Variants in PLXNA2 observed in about 807,000 individuals in gnomAD.
PLXNA2 encodes plexin A2.
Under a neutral mutation model 193.5 loss-of-function variants are expected in PLXNA2, and 91 were observed. That is an observed-to-expected ratio of 0.47 (90% confidence interval 0.40 to 0.56). The LOEUF (loss-of-function observed/expected upper bound fraction) is 0.56. Ranked by LOEUF, PLXNA2 falls within the 20% of genes least tolerant of loss-of-function variation. PLXNA2 has a pLI of 0.00. For missense variants in PLXNA2, 1,995 were observed against 2,503.2 expected, an observed-to-expected ratio of 0.80 and a Z score of 4.33; for synonymous variants, 997 against 1,027.3, an observed-to-expected ratio of 0.97 and a Z score of 0.56.
intron 3 of PLXNA2, among the ~76,000 whole-genome samples, chr1:208,186,722 T>TTTTGTTTTTTTTTTTTTTTA: frequency 7.0e-6 from 1 of 143,878 alleles, no homozygotes; most frequent in African/African-American, 2.7e-5. Flanking sequence ...TATTTTTTTT[T>TTTTGTTTTTTTTTTTTTTTA]TTTTTTTTGA....
intron 12 of PLXNA2, among the ~76,000 whole-genome samples, chr1:208,069,341 C>A (rs1229033629): frequency 6.6e-6 from 1 of 152,146 alleles, no homozygotes; most frequent in Non-Finnish European, 1.5e-5. Flanking sequence ...AGCGCCAGGG[C>A]ACCACAGCTA....
intron 3 of PLXNA2, among the ~76,000 whole-genome samples, chr1:208,143,428 G>C (rs1444272678): frequency 1.3e-5 from 2 of 152,212 alleles, no homozygotes; most frequent in Non-Finnish European, 2.9e-5. Context: ...TGCTGATGCT[G>C]TTACTATAAG....
chr1:208,127,216 C>A (rs1011300825), intron 4 of PLXNA2, among the ~76,000 whole-genome samples: 4 of 152,176 alleles, frequency 2.6e-5, no homozygotes, highest in Admixed American at 2.0e-4. Flanking sequence ...CCATACTCTA[C>A]CTTGGATGAT....
chr1:208,157,966 C>T (rs1197483744), intron 3 of PLXNA2, among the ~76,000 whole-genome samples: 3 of 152,212 alleles, frequency 2.0e-5, no homozygotes, highest in African/African-American at 7.2e-5. Context: ...CCAAGCTTTC[C>T]ACACCATCCT....
intron 26 of PLXNA2, among the ~76,000 whole-genome samples, chr1:208,034,794 C>T (rs1199852764): frequency 6.6e-6 from 1 of 152,090 alleles, no homozygotes; most frequent in Non-Finnish European, 1.5e-5. Context: ...AGCTACTTGC[C>T]ATGTGTGTGG....
intron 1 of PLXNA2, among the ~76,000 whole-genome samples, chr1:208,239,154 T>TAA (rs35635470): frequency 7.1e-6 from 1 of 141,600 alleles, no homozygotes. Flanking sequence ...TTTTTTCTTC[T>TAA]AAAAAAAAAA....
In PLXNA2 at chr1:208,051,084, G is replaced by A. The variant is rs764787118; in HGVS notation, c.3180C>T (p.Thr1060=). The change falls in exon 17 of 32, where the codon ACC becomes ACT. Residue 1060 remains threonine (T), a synonymous_variant. Coordinates refer to ENST00000367033, the MANE Select transcript of PLXNA2 (RefSeq NM_025179.4). ...WSIASGHTPL[T]ITGFNLDVIQ... ...TGACATCCAGGTTGAAGCCTGTGAT[G>A]GTCAGGGGTGTGTGGCCACTGAAAA... 6 of 1,613,884 alleles carry A rather than the reference G, an allele frequency of 3.7e-6. No homozygotes were observed. The highest frequency in any genetic ancestry group is 2.2e-5 in the South Asian group (2 of 91,070).
intron 3 of PLXNA2, among the ~76,000 whole-genome samples, chr1:208,165,191 G>A (rs10158134): frequency 0.022 from 3,382 of 152,290 alleles, 132 homozygotes; most frequent in African/African-American, 0.076. Flanking sequence ...TCCTTGGCAT[G>A]CCAGCAGATC....
rs564394427 is a variant in PLXNA2 at position 208,229,796 on chromosome 1, T to TA, written c.-80-11795dup. Among the ~76,000 whole-genome samples the TA allele has an allele frequency of 1.2e-3, 180 of 152,250 alleles. 3 individuals carry two copies. Among genetic ancestry groups the TA allele is most frequent in the Non-Finnish European group, 1.8e-4 (12 of 68,008 alleles). On this transcript the variant is annotated intron_variant, in intron 1 of 31. Coordinates refer to ENST00000367033, the MANE Select transcript of PLXNA2 (RefSeq NM_025179.4). ...GGATCACATAAAAAGCACATAATAA[T>TA]AAAAAATGACAAATTCACAATATAA... is the stretch of plus-strand genomic sequence containing the variant.
chr1:208,199,865 G>A lies in PLXNA2; in HGVS notation c.1371+10415C>T, dbSNP rs186420773. ...ACTCATTCATAAAATAGAACAATAC[G>A]CATCTTACTTGTCCAAAGTCAGTAG... On this transcript the variant is annotated intron_variant, in intron 3 of 31. Transcript: ENST00000367033. Among the ~76,000 whole-genome samples the A allele has an allele frequency of 2.8e-4, 43 of 152,176 alleles. No homozygotes were observed. The Middle Eastern group carries it at 0.014, about 48-fold the overall frequency.
intron 3 of PLXNA2, among the ~76,000 whole-genome samples, chr1:208,186,871 C>T (rs1393615513): frequency 6.6e-6 from 1 of 151,160 alleles, no homozygotes; most frequent in Non-Finnish European, 1.5e-5. Context: ...AGGCGCCCGC[C>T]ACCGCGCCCG....
In PLXNA2 at chr1:208,073,947, G is replaced by A. The variant is rs1199010023; in HGVS notation, c.2586+5313C>T. Among the ~76,000 whole-genome samples, 5 of 152,068 alleles carry A rather than the reference G, an allele frequency of 3.3e-5. No homozygotes were observed. In the East Asian group the frequency reaches 7.7e-4, roughly 23 times the overall value. On this transcript the variant is annotated intron_variant, in intron 12 of 31. Transcript: ENST00000367033. Reference sequence around the variant, plus strand: ...CTCACAGCGCTCAGAAGGAACCCACGCTGCTGACACCTTGATCTTGAAGTT... The same window carrying A: ...CTCACAGCGCTCAGAAGGAACCCACACTGCTGACACCTTGATCTTGAAGTT...
intron 12 of PLXNA2, among the ~76,000 whole-genome samples, chr1:208,063,993 C>G (rs867041941): frequency 6.6e-6 from 1 of 152,130 alleles, no homozygotes; most frequent in Non-Finnish European, 1.5e-5. Flanking sequence ...TAAAAACGAA[C>G]TCTTAATTTT....
chr1:208,117,858 T>G (rs1667686463), intron 4 of PLXNA2, among the ~76,000 whole-genome samples: 1 of 152,196 alleles, frequency 6.6e-6, no homozygotes, highest in South Asian at 2.1e-4. Flanking sequence ...GAAAAAAATC[T>G]GCACATCAGT....
intron 3 of PLXNA2, among the ~76,000 whole-genome samples, chr1:208,200,577 C>CTTTTTTTTTTTTTTTTTT (rs36026400): frequency 6.1e-5 from 7 of 114,000 alleles, no homozygotes; most frequent in Non-Finnish European, 8.4e-5. Context: ...CCCAATCCTT[C>CTTTTTTTTTTTTTTTTTT]TTTTTTTTTT....
rs755464834 is a variant in PLXNA2 at position 208,042,122 on chromosome 1, T to G, written c.4262A>C (p.Asn1421Thr). Residue 1421 changes from asparagine (N) to threonine (T), a missense_variant, in exon 22 of 32, where the codon AAC (asparagine) becomes ACC (threonine). Physicochemically the swap from Asn to Thr is moderately conservative, Grantham distance 65. Transcript: ENST00000367033. Reference sequence around the variant, plus strand: ...CCTCCGGAGTAGCAGCTTGGGGTGGTTCTTGTTCTCCAGGTTCTTATCGAT... The same window carrying G: ...CCTCCGGAGTAGCAGCTTGGGGTGGGTCTTGTTCTCCAGGTTCTTATCGAT... ...DLIDKNLENK[N>T]HPKLLLRRTE... 6.2e-7 allele frequency: 1 copy of G among 1,614,066 alleles called. No homozygotes were observed. The highest frequency in any genetic ancestry group is 8.5e-7 in the Non-Finnish European group (1 of 1,179,980).
intron 4 of PLXNA2, 89 bp from the exon 5 acceptor site, chr1:208,103,336 G>T: frequency 2.0e-6 from 2 of 987,812 alleles, no homozygotes; most frequent in East Asian, 2.5e-5. Context: ...ACTCACACTT[G>T]CACTGTCAAC....
chr1:208,236,596 C>G lies in PLXNA2; in HGVS notation c.-81+7047G>C, dbSNP rs973657805. 6.6e-6 allele frequency among the ~76,000 whole-genome samples: 1 copy of G among 152,218 alleles called. No individual in the cohort carries two copies. The highest frequency in any genetic ancestry group is 2.4e-5 in the African/African-American group (1 of 41,458). On this transcript the variant is annotated intron_variant, in intron 1 of 31. Transcript: ENST00000367033. This position sits in a 1 kb window ranked among gnomAD's most constrained non-coding sequence, Gnocchi z 4.4. The stretch of plus-strand genomic sequence containing the variant: ...CCTGCCCATAGTCACAGAGCAATCA[C>G]AATCCATAGGCTCCGCTGACATTCT...
intron 3 of PLXNA2, among the ~76,000 whole-genome samples, chr1:208,181,883 A>T (rs1669852893): frequency 1.3e-5 from 2 of 152,182 alleles, no homozygotes; most frequent in African/African-American, 4.8e-5. Context: ...CTTATTTTGA[A>T]ATTTTGCTAG....
Sources: gnomAD v4.1 joint callset for allele counts (sites outside exome capture counted in the v4.1 genomes callset) on GRCh38, gnomAD v4.1.1 for gene constraint, Gnocchi (gnomAD v3.1) non-coding constraint, MANE v1.5 for transcripts, NCBI Gene and HGNC (gene_info 2026-07-23, HGNC 2026-07-21) for gene names.